LAMA2: variants seen among roughly 807,000 people sequenced by gnomAD.
LAMA2 encodes laminin subunit alpha 2.
LAMA2 carries 269 observed loss-of-function variants against 364.8 expected under a neutral mutation model. The observed-to-expected ratio is 0.74, with a 90% confidence interval of 0.67 to 0.82. The LOEUF (loss-of-function observed/expected upper bound fraction) is 0.82. LAMA2 is among the 40% of genes least tolerant of loss of function. The probability of loss-of-function intolerance (pLI) is 0.00; values close to 1 mark genes in which losing one functional copy is unlikely to be tolerated. For missense variants in LAMA2, 3,807 were observed against 3,873.2 expected (o/e 0.98, Z 0.45); for synonymous variants, 1,379 against 1,370.6 (o/e 1.01, Z -0.14).
intron 1 of LAMA2, among the ~76,000 whole-genome samples, chr6:129,041,490 G>C (rs895908324): frequency 6.6e-6 from 1 of 152,160 alleles, no homozygotes; most frequent in Non-Finnish European, 1.5e-5. Flanking sequence ...TTCCTTTGCT[G>C]TATCCAACAT....
At position 129,306,160 on chromosome 6, in the gene LAMA2, T is replaced by G. The variant is rs887145327; in HGVS notation, c.3174+5288T>G. 2.0e-5 allele frequency among the ~76,000 whole-genome samples: 3 copies of G among 151,944 alleles called. No homozygotes were observed. In the East Asian group the frequency reaches 5.8e-4, roughly 29 times the overall value. ...TAAACAAGAAAATTTCTCCTATAAC[T>G]CTTTTTCCTTGTGTATATCAATTTT... On this transcript the variant is annotated intron_variant, in intron 22 of 64. Coordinates refer to ENST00000421865, the MANE Select transcript of LAMA2 (RefSeq NM_000426.4).
chr6:128,946,762 A>G (rs961312479), intron 1 of LAMA2, among the ~76,000 whole-genome samples: 2 of 152,190 alleles, frequency 1.3e-5, no homozygotes, highest in African/African-American at 4.8e-5. Context: ...TTATCTATAA[A>G]CCAGCGCCCA....
intron 40 of LAMA2, among the ~76,000 whole-genome samples, chr6:129,426,655 C>T (rs1781341454): frequency 6.6e-6 from 1 of 151,984 alleles, no homozygotes. Flanking sequence ...TAGATGTTTC[C>T]AATATATCTT....
intron 6 of LAMA2, among the ~76,000 whole-genome samples, chr6:129,148,491 G>A (rs1407793324): frequency 6.6e-6 from 1 of 152,036 alleles, no homozygotes; most frequent in African/African-American, 2.4e-5. Flanking sequence ...CCAATTCCAG[G>A]TGGTAAATTG....
intron 29 of LAMA2, 73 bp downstream of exon 29, chr6:129,328,485 C>T: frequency 6.2e-7 from 1 of 1,610,750 alleles, no homozygotes; most frequent in Non-Finnish European, 8.5e-7. Flanking sequence ...CATCTGCATG[C>T]AGAGGCCAGC....
intron 4 of LAMA2, among the ~76,000 whole-genome samples, chr6:129,107,297 C>T (rs571892025): frequency 1.1e-4 from 16 of 152,214 alleles, no homozygotes; most frequent in South Asian, 2.1e-4. Flanking sequence ...TTAACCTCTA[C>T]GATATGATAG....
At chr6:129,278,316 T>A (rs932409702) in intron 17 of LAMA2, among the ~76,000 whole-genome samples, 1 of 152,234 alleles carries the variant, frequency 6.6e-6, no homozygotes, top group African/African-American at 2.4e-5. Context: ...TGGTTTTCTT[T>A]CAATCAGTGT....
At chr6:129,331,102 C>G (rs1013737721) in intron 29 of LAMA2, among the ~76,000 whole-genome samples, 1 of 152,142 alleles carries the variant, frequency 6.6e-6, no homozygotes, top group East Asian at 1.9e-4. Context: ...ATCTCCTGAC[C>G]TCATGATCCA....
rs151038492 is a variant in LAMA2, at chr6:129,316,110, C to T, written c.3997C>T (p.Leu1333=). The change falls in exon 27 of 65, where the codon CTA becomes TTA. Residue 1333 remains leucine (L), a synonymous_variant. Coordinates refer to ENST00000421865, the MANE Select transcript of LAMA2 (RefSeq NM_000426.4). ...TVTREDFLDI[L]YDIHYILIKA... ...GACCCGAGAAGACTTCTTGGATATA[C>T]TATATGATATTCATTACATTCTTAT... 1.9e-6 allele frequency: 3 copies of T among 1,606,406 alleles called. No individual in the cohort carries two copies. The African/African-American group carries it at 4.0e-5, about 21-fold the overall frequency.
At chr6:129,462,231 A>G (rs1401235287) in intron 49 of LAMA2, among the ~76,000 whole-genome samples, 2 of 152,070 alleles carry the variant, frequency 1.3e-5, no homozygotes. Flanking sequence ...AGGTTCATAC[A>G]CACTTCTTCC....
intron 22 of LAMA2, among the ~76,000 whole-genome samples, chr6:129,304,152 G>A (rs1390307514): frequency 6.6e-6 from 1 of 152,132 alleles, no homozygotes; most frequent in East Asian, 1.9e-4. Context: ...ATAATAATAT[G>A]GTAGTAATAG....
At chr6:128,973,418 C>T (rs147220402) in intron 1 of LAMA2, among the ~76,000 whole-genome samples, 1 of 152,142 alleles carries the variant, frequency 6.6e-6, no homozygotes, top group East Asian at 1.9e-4. Context: ...ATGATTGAAG[C>T]AGTTATTTTT....
intron 4 of LAMA2, among the ~76,000 whole-genome samples, chr6:129,099,638 C>T (rs1048953514): frequency 1.3e-5 from 2 of 152,112 alleles, no homozygotes; most frequent in African/African-American, 2.4e-5. Flanking sequence ...TCTATCATGC[C>T]CACCCCAGCC....
At chr6:129,016,189 G>A (rs189917597) in intron 1 of LAMA2, among the ~76,000 whole-genome samples, 36 of 151,842 alleles carry the variant, frequency 2.4e-4, no homozygotes, top group Admixed American at 1.8e-3. Context: ...TACCAAACGG[G>A]GCCAAATAAT....
At chr6:129,099,130 T>TTC in intron 4 of LAMA2, among the ~76,000 whole-genome samples, 1 of 149,548 alleles carries the variant, frequency 6.7e-6, no homozygotes, top group African/African-American at 2.4e-5. Flanking sequence ...TTTTTGTTTT[T>TTC]TTTTTTTTTG....
chr6:129,103,638 A>G (rs975345974), intron 4 of LAMA2, among the ~76,000 whole-genome samples: 1 of 152,142 alleles, frequency 6.6e-6, no homozygotes, highest in Non-Finnish European at 1.5e-5. Flanking sequence ...GGTTTGCCTG[A>G]TGTTTTTTCA....
At chr6:129,425,408 T>A (rs1045225492) in intron 40 of LAMA2, among the ~76,000 whole-genome samples, 3 of 152,086 alleles carry the variant, frequency 2.0e-5, no homozygotes, top group African/African-American at 7.2e-5. Context: ...TTTTCTTTTT[T>A]AAATTCTTTT....
chr6:128,936,701 A>G (rs1348044869), intron 1 of LAMA2, among the ~76,000 whole-genome samples: 4 of 152,186 alleles, frequency 2.6e-5, no homozygotes, highest in Non-Finnish European at 5.9e-5. Flanking sequence ...CCCTCAAAAT[A>G]TCTTATTGTA....
chr6:129,147,324 A>G (rs1778523323), intron 6 of LAMA2, among the ~76,000 whole-genome samples: 1 of 143,440 alleles, frequency 7.0e-6, no homozygotes, highest in African/African-American at 2.7e-5. Context: ...CTCTCTAGCT[A>G]TGACAGCCTG....
Sources: allele counts gnomAD v4.1 joint callset (sites outside exome capture counted in the v4.1 genomes callset), GRCh38; gene constraint gnomAD v4.1.1; transcripts MANE v1.5; gene names NCBI Gene and HGNC (gene_info 2026-07-23, HGNC 2026-07-21).